The following ASTN1 variants were observed in gnomAD, a reference collection of about 807,000 sequenced individuals.
ASTN1 encodes astrotactin 1.
In ASTN1, 41 loss-of-function variants were observed where a neutral mutation model predicts 140.7. That is an observed-to-expected ratio of 0.29 (90% CI 0.23 to 0.38). ASTN1 has a LOEUF of 0.38. ASTN1 is among the 10% of genes least tolerant of loss of function. ASTN1 has a pLI of 1.00. For missense variants in ASTN1, 1,479 were observed against 1,678.8 expected (o/e 0.88, Z 2.08); for synonymous variants, 640 against 652.2 (o/e 0.98, Z 0.29).
At chr1:177,003,812 A>G (rs1674856905) in intron 8 of ASTN1, among the ~76,000 whole-genome samples, 1 of 133,774 alleles carries the variant, frequency 7.5e-6, no homozygotes, top group African/African-American at 3.3e-5. Flanking sequence ...GACTCTGTCT[A>G]AAAAAAAAAA....
rs1311230281 is a variant in ASTN1 at position 177,069,862 on chromosome 1, GA to G, written c.284-8598del. On this transcript the variant is annotated intron_variant, in intron 1 of 22. Transcript: ENST00000361833. ...TTAAAGTCTCATTTGAAAGGATAAA[GA>G]AAAAAAAAAAAGCCCAAAGCTTTTT... Among the ~76,000 whole-genome samples, 664 of 131,258 alleles carry G rather than the reference GA, an allele frequency of 5.1e-3. 1 individual carries two copies. The highest frequency in any genetic ancestry group is 0.013 in the Middle Eastern group (3 of 240). 86.1% of individuals were successfully genotyped at this position (131,258 alleles called of 152,430 possible).
chr1:176,887,253 C>T (rs759575986), intron 18 of ASTN1, among the ~76,000 whole-genome samples: 19 of 152,212 alleles, frequency 1.2e-4, no homozygotes, highest in Admixed American at 6.5e-4. Context: ...TTTCTGCACA[C>T]TGAACATCCC....
At chr1:177,080,350 T>C (rs1480800604) in intron 1 of ASTN1, among the ~76,000 whole-genome samples, 6 of 151,722 alleles carry the variant, frequency 4.0e-5, no homozygotes, top group Admixed American at 6.6e-5. Flanking sequence ...TTTTGTCCAC[T>C]GTTTGATTTT....
intron 1 of ASTN1, among the ~76,000 whole-genome samples, chr1:177,156,035 G>T (rs1303171939): frequency 6.6e-6 from 1 of 152,018 alleles, no homozygotes; most frequent in East Asian, 1.9e-4. Context: ...ACTTTGGGAG[G>T]CTGAGGCGGG....
chr1:177,023,358 G>C, intron 7 of ASTN1, 46 bp downstream of exon 7: 1 of 1,531,990 alleles, frequency 6.5e-7, no homozygotes, highest in South Asian at 1.2e-5. Context: ...ATTGCAAGAG[G>C]CATGATCTCT....
chr1:177,029,853 A>C lies in ASTN1; in HGVS notation c.1013-112T>G, dbSNP rs558525731. ...AACAAAAATGAAAGTAAGCTGACTG[A>C]TAATCTGGGAGAAATAGCCAAGGGG... On this transcript the variant is annotated intron_variant, in intron 4 of 22. Transcript: ENST00000361833. 3.8e-5 allele frequency: 39 copies of C among 1,038,206 alleles called. 1 individual carries two copies. In the African/African-American group the frequency reaches 5.6e-4, roughly 15 times the overall value. 64.3% of individuals were successfully genotyped at this position (1,038,206 alleles called of 1,614,324 possible). A position where few individuals can be genotyped will look rare whatever the true frequency, so the allele number is the denominator to read the frequency against.
chr1:177,010,155 CTT>C (rs1675221517), intron 8 of ASTN1, among the ~76,000 whole-genome samples: 1 of 152,152 alleles, frequency 6.6e-6, no homozygotes, highest in Non-Finnish European at 1.5e-5. Context: ...CTCCTCCACC[CTT>C]GTTTATTGTT....
At chr1:177,072,505 G>C (rs928165893) in intron 1 of ASTN1, among the ~76,000 whole-genome samples, 2 of 152,194 alleles carry the variant, frequency 1.3e-5, no homozygotes, top group Non-Finnish European at 1.5e-5. Context: ...CCATGGAAAC[G>C]TTGATTTAGC....
At position 177,061,156 on chromosome 1, in the gene ASTN1, A is replaced by C. The variant is rs1246646262; in HGVS notation, c.393T>G (p.Leu131=). The C allele has an allele frequency of 6.2e-7, 1 of 1,611,918 alleles. No individual in the cohort carries two copies. Among genetic ancestry groups the C allele is most frequent in the African/African-American group, 1.3e-5 (1 of 74,942 alleles). Residue 131 remains leucine, a synonymous_variant, in exon 2 of 23, where the codon CTT becomes CTG. Coordinates refer to ENST00000361833, the MANE Select transcript of ASTN1 (RefSeq NM_004319.3). ...GTTCTTCAGTGGGGTCTTGTCCAGGAAGGCTTGGGGCACCATCTTGGTGAT... is the reference window on the plus strand; with the variant it reads ...GTTCTTCAGTGGGGTCTTGTCCAGGCAGGCTTGGGGCACCATCTTGGTGAT... ...HIHHQDGAPS[L]PGQDPTEEPQ...
intron 1 of ASTN1, among the ~76,000 whole-genome samples, chr1:177,139,117 C>A (rs1184514462): frequency 6.6e-6 from 1 of 152,092 alleles, no homozygotes; most frequent in Non-Finnish European, 1.5e-5. Flanking sequence ...TGTAACTATT[C>A]ATTGAGACTT....
chr1:177,132,840 G>T (rs2102206428), intron 1 of ASTN1, among the ~76,000 whole-genome samples: 1 of 152,242 alleles, frequency 6.6e-6, no homozygotes, highest in East Asian at 1.9e-4. Context: ...ACACACATTT[G>T]CTTATGCATT....
intron 9 of ASTN1, among the ~76,000 whole-genome samples, chr1:176,959,674 T>G (rs1267424290): frequency 6.6e-6 from 1 of 152,208 alleles, no homozygotes; most frequent in East Asian, 1.9e-4. Context: ...GTGTGGGACA[T>G]GTGCCAGCTT....
At chr1:177,129,119 A>G (rs561094368) in intron 1 of ASTN1, among the ~76,000 whole-genome samples, 1 of 152,188 alleles carries the variant, frequency 6.6e-6, no homozygotes, top group South Asian at 2.1e-4. Flanking sequence ...ACATTTCACC[A>G]TATAGTGGAA....
At chr1:177,126,145 C>T (rs141526018) in intron 1 of ASTN1, among the ~76,000 whole-genome samples, 213 of 152,184 alleles carry the variant, frequency 1.4e-3, no homozygotes, top group Non-Finnish European at 2.0e-3. Context: ...GCTGTCAGTG[C>T]TTTTATTTTA....
chr1:177,062,645 A>C (rs540704832), intron 1 of ASTN1, among the ~76,000 whole-genome samples: 38 of 152,226 alleles, frequency 2.5e-4, no homozygotes, highest in Non-Finnish European at 5.1e-4. Flanking sequence ...AGATTTAATA[A>C]GACACACTTA....
intron 2 of ASTN1, among the ~76,000 whole-genome samples, chr1:177,041,709 G>A (rs1317485745): frequency 6.6e-6 from 1 of 152,230 alleles, no homozygotes; most frequent in Admixed American, 6.5e-5. Flanking sequence ...TATTGAACAA[G>A]TAACGGAAGA....
chr1:177,047,341 AAGGGAGGTCCACAAAATATGAC>A (rs375056627), intron 2 of ASTN1, among the ~76,000 whole-genome samples: 37 of 152,314 alleles, frequency 2.4e-4, no homozygotes, highest in African/African-American at 7.9e-4. Context: ...ATTAAATAGC[AAGGGAGGTCCACAAAATATGAC>A]AGGGAGGTCC....
Position 177,069,963 on chromosome 1 carries a change from AC to A in ASTN1, c.284-8699del, listed in dbSNP as rs567324351. On this transcript the variant is annotated intron_variant, in intron 1 of 22. Coordinates refer to ENST00000361833, the MANE Select transcript of ASTN1 (RefSeq NM_004319.3). Reference sequence around the variant, plus strand: ...TTACTTATATCTATTTCTATTCTCCACTGCCACCCGACTGACTTTTGTAAAT... The same window carrying A: ...TTACTTATATCTATTTCTATTCTCCATGCCACCCGACTGACTTTTGTAAAT... Among the ~76,000 whole-genome samples, 119 of 152,266 alleles carry A rather than the reference AC, an allele frequency of 7.8e-4. 1 individual carries two copies. The highest frequency in any genetic ancestry group is 1.2e-3 in the Admixed American group (19 of 15,282).
intron 1 of ASTN1, among the ~76,000 whole-genome samples, chr1:177,099,776 A>G (rs1680212201): frequency 6.6e-6 from 1 of 152,168 alleles, no homozygotes; most frequent in African/African-American, 2.4e-5. Flanking sequence ...GAGCATTCTC[A>G]TCTTGTTTAT....
Sources: allele counts gnomAD v4.1 joint callset (sites outside exome capture counted in the v4.1 genomes callset), GRCh38; gene constraint gnomAD v4.1.1; transcripts MANE v1.5; gene names NCBI Gene and HGNC (gene_info 2026-07-23, HGNC 2026-07-21).